Variants in CUL5 observed in about 807,000 individuals in gnomAD.
CUL5 encodes the protein cullin-5.
Under a neutral mutation model 108.8 loss-of-function variants are expected in CUL5, and 26 were observed. That is an observed-to-expected ratio of 0.24 (90% confidence interval 0.18 to 0.33). The LOEUF (loss-of-function observed/expected upper bound fraction) is 0.33. Ranked by LOEUF, CUL5 falls within the 10% of genes least tolerant of loss-of-function variation. The pLI is 1.00. For missense variants in CUL5, 524 were observed against 909.2 expected, an observed-to-expected ratio of 0.58 and a Z score of 5.45; for synonymous variants, 334 against 298.0, an observed-to-expected ratio of 1.12 and a Z score of -1.25.
At chr11:108,095,133 A>T (rs1864458009) in intron 15 of CUL5, 146 bp downstream of exon 15, 1 of 631,884 alleles carries the variant, frequency 1.6e-6, no homozygotes. Flanking sequence ...CATGAAGTTG[A>T]TAGGGACATA....
At chr11:108,046,476 T>C (rs1863069281) in intron 3 of CUL5, 107 bp downstream of exon 3, 1 of 600,148 alleles carries the variant, frequency 1.7e-6, no homozygotes, top group Non-Finnish European at 2.9e-6. Context: ...AAATATTGCA[T>C]TGACTTTTGA....
intron 13 of CUL5, among the ~76,000 whole-genome samples, chr11:108,090,593 CAAT>C (rs1775572008): frequency 6.6e-6 from 1 of 152,078 alleles, no homozygotes; most frequent in Non-Finnish European, 1.5e-5. Context: ...TAAATGATAA[CAAT>C]AAATACTTCT....
At chr11:108,093,908 G>A (rs1047463640) in intron 13 of CUL5, among the ~76,000 whole-genome samples, 11 of 152,096 alleles carry the variant, frequency 7.2e-5, no homozygotes, top group Non-Finnish European at 5.9e-5. Context: ...TCACTGTGTT[G>A]CCCAGGCTGG....
chr11:108,086,016 C>T (rs984328203), intron 11 of CUL5, among the ~76,000 whole-genome samples: 1 of 152,038 alleles, frequency 6.6e-6, no homozygotes, highest in Non-Finnish European at 1.5e-5. Context: ...AGATATAATA[C>T]ATATTAATGG....
chr11:108,054,666 T>G lies in CUL5; in HGVS notation c.573T>G (p.Pro191=). Residue 191 remains proline (P), a synonymous_variant, in exon 6 of 19, where the codon CCT becomes CCG. Coordinates refer to ENST00000393094, the MANE Select transcript of CUL5 (RefSeq NM_003478.6). Reference sequence around the variant, plus strand: ...TTTCAGTTAACCTTTGTTCTAATCCTGAGGATAAACTTCAAATTTATAGGG... The same window carrying G: ...TTTCAGTTAACCTTTGTTCTAATCCGGAGGATAAACTTCAAATTTATAGGG... ...RESYVNLCSN[P]EDKLQIYRDN... is the part of the protein sequence containing the mutation. 6.3e-7 allele frequency: 1 copy of G among 1,593,038 alleles called. No homozygotes were observed. The highest frequency in any genetic ancestry group is 8.6e-7 in the Non-Finnish European group (1 of 1,164,142).
At position 108,088,763 on chromosome 11, in the gene CUL5, C is replaced by T. The variant is rs1864283337; in HGVS notation, c.1311+104C>T. ...TAGTATCAATTTAAAAATGTATTATCTGTAAAGAACTAATGTTACGAAGAT... is the reference window on the plus strand; with the variant it reads ...TAGTATCAATTTAAAAATGTATTATTTGTAAAGAACTAATGTTACGAAGAT... On this transcript the variant is annotated intron_variant, in intron 12 of 18. Coordinates refer to ENST00000393094, the MANE Select transcript of CUL5 (RefSeq NM_003478.6). 5 of 844,080 alleles carry T rather than the reference C, an allele frequency of 5.9e-6. No homozygotes were observed. In the East Asian group the frequency reaches 1.5e-4, roughly 26 times the overall value. 52.3% of individuals were successfully genotyped at this position (844,080 alleles called of 1,614,324 possible).
intron 13 of CUL5, among the ~76,000 whole-genome samples, chr11:108,091,684 G>GTCTC (rs1215959580): frequency 4.7e-5 from 4 of 85,486 alleles, no homozygotes; most frequent in Non-Finnish European, 7.2e-5. Flanking sequence ...GTCAGATCCT[G>GTCTC]TCTCTCTCAC....
chr11:108,069,123 A>G lies in CUL5; in HGVS notation c.781-973A>G, dbSNP rs182237993. ...GTTTAAAAAATTAACCAGACTTGAT[A>G]GTACATCCCTGTAGTCCTAGCTACT... On this transcript the variant is annotated intron_variant, in intron 7 of 18. Transcript: ENST00000393094. Among the ~76,000 whole-genome samples the G allele has an allele frequency of 2.0e-5, 3 of 152,218 alleles. No individual in the cohort carries two copies. In the East Asian group the frequency reaches 5.8e-4, roughly 29 times the overall value.
intron 1 of CUL5, among the ~76,000 whole-genome samples, chr11:108,021,026 T>C (rs941081831): frequency 6.6e-6 from 1 of 152,210 alleles, no homozygotes; most frequent in Admixed American, 6.5e-5. Context: ...TTCTTACCAC[T>C]TTGTCCTAAT....
intron 18 of CUL5, among the ~76,000 whole-genome samples, chr11:108,102,792 T>C (rs1864704417): frequency 6.6e-6 from 1 of 152,216 alleles, no homozygotes; most frequent in East Asian, 1.9e-4. Flanking sequence ...CAAACTCTAA[T>C]CTGTGCTAAG....
At position 108,042,238 on chromosome 11, in the gene CUL5, GAGAC is replaced by G. The variant is rs970095808; in HGVS notation, c.135-4028_135-4025del. On this transcript the variant is annotated intron_variant, in intron 2 of 18. Coordinates refer to ENST00000393094, the MANE Select transcript of CUL5 (RefSeq NM_003478.6). ...CAATTCTTTTTTTTTTTTTTTTTTT[GAGAC>G]AGAGTCTTGCTCTGTTGTCCAGGCT... Among the ~76,000 whole-genome samples, 84 of 25,506 alleles carry G rather than the reference GAGAC, an allele frequency of 3.3e-3. 1 individual carries two copies. Among genetic ancestry groups the G allele is most frequent in the Non-Finnish European group, 3.8e-3 (44 of 11,432 alleles). 16.7% of individuals were successfully genotyped at this position (25,506 alleles called of 152,430 possible).
chr11:108,062,526 ATATAAT>A (rs1026747250), intron 7 of CUL5, among the ~76,000 whole-genome samples: 19 of 148,524 alleles, frequency 1.3e-4, no homozygotes, highest in African/African-American at 3.7e-4. Context: ...TAAATATTAA[ATATAAT>A]TATAAATATA....
At chr11:108,061,276 G>A (rs1411362107) in intron 7 of CUL5, among the ~76,000 whole-genome samples, 1 of 152,150 alleles carries the variant, frequency 6.6e-6, no homozygotes, top group East Asian at 1.9e-4. Flanking sequence ...TGGTAAATGG[G>A]AAGAAATACA....
At chr11:108,096,648 C>G (rs1456004479) in intron 16 of CUL5, among the ~76,000 whole-genome samples, 2 of 148,052 alleles carry the variant, frequency 1.4e-5, no homozygotes, top group Non-Finnish European at 3.0e-5. Flanking sequence ...CTCACTGCAA[C>G]CTCCGCCTCC....
chr11:108,104,484 T>C lies in CUL5; in HGVS notation c.*100T>C. The C allele has an allele frequency of 1.4e-6, 1 of 711,404 alleles. No individual in the cohort carries two copies. The highest frequency in any genetic ancestry group is 2.3e-6 in the Non-Finnish European group (1 of 439,794). The allele number at this position is 711,404 out of a possible 1,614,324, so 44.1% of individuals were successfully genotyped here. On this transcript the variant is annotated 3_prime_UTR_variant, in exon 19 of 19. Coordinates refer to ENST00000393094, the MANE Select transcript of CUL5 (RefSeq NM_003478.6). ...GAGAAAGGTTTATTTGGACTTTGAT[T>C]ACATAAATATTAAAATCTCTGCCTT...
rs1357943372 is a variant in CUL5 at position 108,009,294 on chromosome 11, G to T, written c.-55G>T. 4 of 1,607,364 alleles carry T rather than the reference G, an allele frequency of 2.5e-6. No individual in the cohort carries two copies. Among genetic ancestry groups the T allele is most frequent in the Non-Finnish European group, 3.4e-6 (4 of 1,175,324 alleles). ...GAGCTCCGGCCTCCGGTCAAGGCCTGGCCGGGAGCGCCACGAATTCTCGCG... is the reference window on the plus strand; with the variant it reads ...GAGCTCCGGCCTCCGGTCAAGGCCTTGCCGGGAGCGCCACGAATTCTCGCG... On this transcript the variant is annotated 5_prime_UTR_variant, in exon 1 of 19. Coordinates refer to ENST00000393094, the MANE Select transcript of CUL5 (RefSeq NM_003478.6).
chr11:108,087,890 G>A (rs924226813), intron 11 of CUL5, among the ~76,000 whole-genome samples: 2 of 152,018 alleles, frequency 1.3e-5, no homozygotes, highest in African/African-American at 4.8e-5. Context: ...GCTTGAACCC[G>A]AGAGGCAGAG....
intron 2 of CUL5, among the ~76,000 whole-genome samples, chr11:108,039,164 G>A (rs1862824584): frequency 6.6e-6 from 1 of 152,096 alleles, no homozygotes; most frequent in Non-Finnish European, 1.5e-5. Flanking sequence ...GGGATTACAG[G>A]CATGCACCAC....
intron 13 of CUL5, among the ~76,000 whole-genome samples, chr11:108,091,695 T>TCACTCACA (rs376496161): frequency 7.2e-6 from 1 of 138,098 alleles, no homozygotes; most frequent in African/African-American, 2.8e-5. Flanking sequence ...TCTCTCTCAC[T>TCACTCACA]CACACACACA....
Sources: gnomAD v4.1 joint callset for allele counts (sites outside exome capture counted in the v4.1 genomes callset) on GRCh38, gnomAD v4.1.1 for gene constraint, MANE v1.5 for transcripts, NCBI Gene and HGNC (gene_info 2026-07-23, HGNC 2026-07-21) for gene names.